Variants in USP15 observed in about 807,000 individuals in gnomAD.
USP15 encodes the protein ubiquitin carboxyl-terminal hydrolase 15.
In USP15, 18 loss-of-function variants were observed where a neutral mutation model predicts 127.1. The ratio of observed to expected loss-of-function variants is 0.14; its 90% CI spans 0.10 to 0.21. The LOEUF is 0.21. USP15 is among the 10% of genes least tolerant of loss of function. The probability of loss-of-function intolerance (pLI) is 1.00; values close to 1 mark genes in which losing one functional copy is unlikely to be tolerated. For missense variants in USP15, 805 were observed against 1,159.9 expected, an observed-to-expected ratio of 0.69 and a Z score of 4.44; for synonymous variants, 364 against 393.7, an observed-to-expected ratio of 0.92 and a Z score of 0.89.
intron 2 of USP15, among the ~76,000 whole-genome samples, chr12:62,301,657 T>G (rs1294644466): frequency 6.6e-6 from 1 of 152,214 alleles, no homozygotes; most frequent in African/African-American, 2.4e-5. Context: ...AAGCAAGTAC[T>G]GTTTTCATGT....
At chr12:62,404,062 AT>A in intron 21 of USP15, 130 bp from the exon 22 acceptor site, 4 of 738,392 alleles carry the variant, frequency 5.4e-6, no homozygotes, top group Non-Finnish European at 7.1e-6. Context: ...AGTAACTTCC[AT>A]TTGACCATGC....
At chr12:62,303,814 T>C (rs542087401) in intron 3 of USP15, among the ~76,000 whole-genome samples, 11 of 152,350 alleles carry the variant, frequency 7.2e-5, no homozygotes, top group Admixed American at 2.0e-4. Flanking sequence ...ATCTTGAATG[T>C]ACCTTTTATT....
At position 62,351,451 on chromosome 12, in the gene USP15, C is replaced by G. The variant is rs757283368; in HGVS notation, c.770+2144C>G. Among the ~76,000 whole-genome samples, 19 of 151,148 alleles carry G rather than the reference C, an allele frequency of 1.3e-4. 1 individual carries two copies. Among genetic ancestry groups the G allele is most frequent in the Middle Eastern group, 6.8e-3 (2 of 294 alleles). The stretch of plus-strand genomic sequence containing the variant: ...TACTTACTGTAAGAGAATTCATTTA[C>G]AGGTATTTACAGTCATTCTTTGGAG... On this transcript the variant is annotated intron_variant, in intron 7 of 21. Coordinates refer to ENST00000280377, the MANE Select transcript of USP15 (RefSeq NM_001252078.2).
chr12:62,274,429 A>AC (rs1231941410), intron 1 of USP15: 1 of 150,474 alleles, frequency 6.6e-6, no homozygotes, highest in Non-Finnish European at 1.5e-5. Flanking sequence ...CAAAAAAAAA[A>AC]AACGGTGCAT....
chr12:62,386,736 G>A (rs1356163374), intron 11 of USP15, among the ~76,000 whole-genome samples: 2 of 152,010 alleles, frequency 1.3e-5, no homozygotes, highest in Non-Finnish European at 2.9e-5. Context: ...TAAAAACTAG[G>A]GAAGCCATTA....
In USP15 at chr12:62,414,669, A is replaced by G. The variant is rs1255949683; in HGVS notation, c.*10294A>G. On this transcript the variant is annotated 3_prime_UTR_variant, in exon 22 of 22. Coordinates refer to ENST00000280377, the MANE Select transcript of USP15 (RefSeq NM_001252078.2). ...TTCATTTAACCAGTACTAAATAACT[A>G]CATGTCTTTGGCAGCCTATAATGTA... 6.6e-6 allele frequency: 1 copy of G among 152,204 alleles called. No individual in the cohort carries two copies. Among genetic ancestry groups the G allele is most frequent in the Non-Finnish European group, 1.5e-5 (1 of 68,044 alleles). The allele number at this position is 152,204 out of a possible 1,614,324, so 9.4% of individuals were successfully genotyped here. A position where few individuals can be genotyped will look rare whatever the true frequency, so the allele number is the denominator to read the frequency against.
At chr12:62,310,434 C>T (rs2064633044) in intron 3 of USP15, among the ~76,000 whole-genome samples, 1 of 151,832 alleles carries the variant, frequency 6.6e-6, no homozygotes, top group Non-Finnish European at 1.5e-5. Flanking sequence ...CTCTTTACTT[C>T]ATGTGATCAA....
intron 5 of USP15, among the ~76,000 whole-genome samples, chr12:62,322,560 C>T (rs2065013295): frequency 6.6e-6 from 1 of 152,266 alleles, no homozygotes; most frequent in South Asian, 2.1e-4. Context: ...CCTTATCTTT[C>T]ATAGTCTCTT....
At chr12:62,298,580 C>T (rs536609391) in intron 2 of USP15, among the ~76,000 whole-genome samples, 37 of 152,086 alleles carry the variant, frequency 2.4e-4, no homozygotes, top group Non-Finnish European at 4.3e-4. Flanking sequence ...GCAGGAGAAT[C>T]GCTTGAACCT....
chr12:62,346,320 A>T (rs975301493), intron 6 of USP15, among the ~76,000 whole-genome samples: 3 of 152,246 alleles, frequency 2.0e-5, no homozygotes, highest in Admixed American at 6.5e-5. Context: ...GATGTGAAGT[A>T]TAGGTTAGTG....
intron 5 of USP15, 54 bp from the exon 6 acceptor site, chr12:62,325,813 AAAGTT>A: frequency 7.1e-7 from 1 of 1,408,324 alleles, no homozygotes; most frequent in Non-Finnish European, 9.8e-7. Context: ...GCTATCTTCT[AAAGTT>A]ATTTTAACTT....
chr12:62,287,420 T>C (rs917804312), intron 1 of USP15, among the ~76,000 whole-genome samples: 2 of 152,222 alleles, frequency 1.3e-5, no homozygotes, highest in African/African-American at 4.8e-5. Context: ...TTTTTTTGGT[T>C]GCCATTGTTG....
At chr12:62,265,555 A>T (rs934820726) in intron 1 of USP15, among the ~76,000 whole-genome samples, 3 of 152,202 alleles carry the variant, frequency 2.0e-5, no homozygotes, top group East Asian at 1.9e-4. Context: ...ATTTAAAAAA[A>T]TTTTTTCTAG....
chr12:62,380,628 C>CA (rs1254961594), intron 8 of USP15, among the ~76,000 whole-genome samples: 11 of 151,670 alleles, frequency 7.3e-5, no homozygotes, highest in East Asian at 3.9e-4. Flanking sequence ...CATCCTACAG[C>CA]AAAAAAAATT....
chr12:62,353,547 T>C (rs1228690274), intron 7 of USP15, among the ~76,000 whole-genome samples: 1 of 152,050 alleles, frequency 6.6e-6, no homozygotes, highest in Non-Finnish European at 1.5e-5. Context: ...AATTTTACTA[T>C]GATTTTACAG....
At chr12:62,371,861 T>C (rs1459195137) in intron 8 of USP15, among the ~76,000 whole-genome samples, 1 of 152,050 alleles carries the variant, frequency 6.6e-6, no homozygotes, top group African/African-American at 2.4e-5. Flanking sequence ...AGCGGAAATA[T>C]TTGGGTTTGT....
rs1383890445 is a variant in USP15, at chr12:62,401,168, A to G, written c.2675-19A>G. 6.3e-7 allele frequency: 1 copy of G among 1,583,410 alleles called. No homozygotes were observed. The stretch of plus-strand genomic sequence containing the variant: ...AACCAAGATCATTTTCGTCACAGTG[A>G]TTATATTTTTTTCATTAGATACTGC... On this transcript the variant is annotated intron_variant, in intron 20 of 21. Transcript: ENST00000280377.
chr12:62,307,237 G>C (rs538938765), intron 3 of USP15, among the ~76,000 whole-genome samples: 1 of 152,206 alleles, frequency 6.6e-6, no homozygotes, highest in South Asian at 2.1e-4. Context: ...TAGGAATCAG[G>C]CTGAAAATTT....
At chr12:62,305,133 G>A (rs1173277609) in intron 3 of USP15, among the ~76,000 whole-genome samples, 1 of 152,120 alleles carries the variant, frequency 6.6e-6, no homozygotes, top group Non-Finnish European at 1.5e-5. Context: ...GAAAGAAAGA[G>A]TGGGTAGAAC....
Sources: gnomAD v4.1 joint callset for allele counts (sites outside exome capture counted in the v4.1 genomes callset) on GRCh38, gnomAD v4.1.1 for gene constraint, MANE v1.5 for transcripts, NCBI Gene and HGNC (gene_info 2026-07-23, HGNC 2026-07-21) for gene names.